Variants in DOCK9 observed in about 807,000 individuals in gnomAD.
DOCK9 encodes the protein dedicator of cytokinesis 9.
DOCK9 carries 89 observed loss-of-function variants against 263.3 expected under a neutral mutation model. The observed-to-expected ratio is 0.34, with a 90% CI of 0.28 to 0.40. DOCK9 has a LOEUF of 0.40. Ranked by LOEUF, DOCK9 falls within the 10% of genes least tolerant of loss-of-function variation. The pLI is 1.00. For synonymous variants in DOCK9, 976 were observed against 973.1 expected, an observed-to-expected ratio of 1.00 and a Z score of -0.06; for missense variants, 2,140 against 2,603.4, an observed-to-expected ratio of 0.82 and a Z score of 3.87.
chr13:98,882,145 G>C, intron 23 of DOCK9, 138 bp from the exon 24 acceptor site: 1 of 718,948 alleles, frequency 1.4e-6, no homozygotes, highest in East Asian at 2.7e-5. Context: ...AATGTCCCCA[G>C]AGGCGTCTGT....
upstream of DOCK9, among the ~76,000 whole-genome samples, chr13:98,981,496 C>T (rs1463379120): frequency 6.6e-6 from 1 of 152,230 alleles, no homozygotes; most frequent in Non-Finnish European, 1.5e-5. Context: ...CTACTCCCAT[C>T]TCAGAGCAAT....
At chr13:98,936,258 A>G (rs1396519075) in intron 2 of DOCK9, among the ~76,000 whole-genome samples, 1 of 152,038 alleles carries the variant, frequency 6.6e-6, no homozygotes, top group Admixed American at 6.6e-5. Context: ...TCCTGTACCC[A>G]CATGCCCTTC....
chr13:98,968,877 C>T (rs1182838591), intron 1 of DOCK9, among the ~76,000 whole-genome samples: 1 of 152,156 alleles, frequency 6.6e-6, no homozygotes, highest in Non-Finnish European at 1.5e-5. Context: ...CCAATAGGCC[C>T]CTCCTTTCTG....
intron 1 of DOCK9, among the ~76,000 whole-genome samples, chr13:99,083,592 T>C (rs1226506377): frequency 1.3e-5 from 2 of 151,290 alleles, no homozygotes; most frequent in African/African-American, 4.8e-5. Flanking sequence ...GATGATGAAA[T>C]ATGAAGGTTC....
intron 27 of DOCK9, among the ~76,000 whole-genome samples, chr13:98,877,284 T>TAC (rs1171885903): frequency 1.3e-5 from 2 of 152,222 alleles, no homozygotes; most frequent in African/African-American, 4.8e-5. Flanking sequence ...TTCAGGTCAT[T>TAC]ACCACCCTTA....
At chr13:99,004,733 A>G (rs1218224839) in intron 1 of DOCK9, among the ~76,000 whole-genome samples, 2 of 152,054 alleles carry the variant, frequency 1.3e-5, no homozygotes, top group Non-Finnish European at 2.9e-5. Flanking sequence ...GAAAAATAGT[A>G]AAGTACACCT....
intron 9 of DOCK9, among the ~76,000 whole-genome samples, chr13:98,913,827 T>C (rs1004967093): frequency 1.3e-5 from 2 of 152,228 alleles, no homozygotes; most frequent in African/African-American, 4.8e-5. Context: ...TCAGTAACTT[T>C]TAAATTTCTC....
rs1335961037 is a variant in DOCK9 at position 98,901,876 on chromosome 13, G to C, written c.1405C>G (p.His469Asp). ...KQGIFSVTCPHPDIFLVARIE... is the reference protein window; with the variant it reads ...KQGIFSVTCPDPDIFLVARIE... Reference sequence around the variant, plus strand: ...CTGGCCACAAGAAATATATCTGGATGAGGACAAGTGACTGAAAATATTCCC... The same window carrying C: ...CTGGCCACAAGAAATATATCTGGATCAGGACAAGTGACTGAAAATATTCCC... The change falls in exon 13 of 53, where the codon CAT becomes GAT. Residue 469 changes from histidine (H) to aspartate (D), a missense_variant. Around this residue, in one of 2 missense-constraint regions of DOCK9, gnomAD observed 1,521 missense variants for 1,741.7 expected, o/e 0.87. Coordinates refer to ENST00000682017, the MANE Select transcript of DOCK9 (RefSeq NM_001366683.2). 6.2e-7 allele frequency: 1 copy of C among 1,612,560 alleles called. No individual in the cohort carries two copies. The highest frequency in any genetic ancestry group is 1.7e-5 in the Admixed American group (1 of 59,866).
Position 98,860,505 on chromosome 13 carries a change from G to A in DOCK9, c.3597C>T (p.Ser1199=), listed in dbSNP as rs1594754269. ...VNAGMTVKDE[S]LALPAVNPLV... ...GCGGATTCACAGCTGGTAGAGCCAGGGATTCATCCTTCACAGTCTGTCAAG... is the reference window on the plus strand; with the variant it reads ...GCGGATTCACAGCTGGTAGAGCCAGAGATTCATCCTTCACAGTCTGTCAAG... Residue 1199 remains serine, a synonymous_variant, in exon 33 of 53, where the codon TCC becomes TCT. Coordinates refer to ENST00000682017, the MANE Select transcript of DOCK9 (RefSeq NM_001366683.2). The A allele has an allele frequency of 2.5e-6, 4 of 1,572,106 alleles. No individual in the cohort carries two copies. Among genetic ancestry groups the A allele is most frequent in the Non-Finnish European group, 2.6e-6 (3 of 1,157,326 alleles).
At chr13:99,050,251 G>A (rs2040622687) in intron 1 of DOCK9, among the ~76,000 whole-genome samples, 6 of 152,004 alleles carry the variant, frequency 3.9e-5, no homozygotes, top group Admixed American at 3.9e-4. Flanking sequence ...AGTACCTAGA[G>A]TTCATTCCAT....
intron 27 of DOCK9, among the ~76,000 whole-genome samples, chr13:98,869,690 T>G (rs1209068027): frequency 2.0e-5 from 3 of 152,234 alleles, no homozygotes; most frequent in African/African-American, 7.2e-5. Context: ...TTTTAGTAAC[T>G]GAAGAGTAAT....
chr13:98,863,475 C>A lies in DOCK9; in HGVS notation c.3360G>T (p.Glu1120Asp), dbSNP rs1465683259. The A allele has an allele frequency of 6.2e-7, 1 of 1,613,974 alleles. No individual in the cohort carries two copies. The highest frequency in any genetic ancestry group is 1.3e-5 in the African/African-American group (1 of 75,032). Reference sequence around the variant, plus strand: ...GGAACTCCTGGAGGGCTGTCCCCACCTCCCTCAGTAACAGTCCCACCAAGA... The same window carrying A: ...GGAACTCCTGGAGGGCTGTCCCCACATCCCTCAGTAACAGTCCCACCAAGA... ...NHFLVGLLLR[E>D]VGTALQEFRE... Residue 1120 changes from glutamate (E) to aspartate (D), a missense_variant, in exon 31 of 53, where the codon GAG (glutamate) becomes GAT (aspartate). Glu to Asp is a conservative substitution (Grantham distance 45). Transcript: ENST00000682017.
rs1401631240 is a variant in DOCK9 at position 98,904,628 on chromosome 13, T to C, written c.1035+4A>G. The C allele has an allele frequency of 1.3e-6, 2 of 1,551,594 alleles. No homozygotes were observed. Among genetic ancestry groups the C allele is most frequent in the Non-Finnish European group, 1.7e-6 (2 of 1,145,658 alleles). On this transcript the variant is annotated splice_donor_region_variant and intron_variant, in intron 10 of 52. Transcript: ENST00000682017. Reference sequence around the variant, plus strand: ...TAAATATTAAACATTTAGATAGTTCTTACCTGGGCATCTGGGTCCAAATAA... The same window carrying C: ...TAAATATTAAACATTTAGATAGTTCCTACCTGGGCATCTGGGTCCAAATAA...
At chr13:98,910,660 G>C (rs1313307535) in intron 9 of DOCK9, among the ~76,000 whole-genome samples, 1 of 152,120 alleles carries the variant, frequency 6.6e-6, no homozygotes, top group Non-Finnish European at 1.5e-5. Context: ...GAGGTTAGAG[G>C]AGCTGATTAG....
rs2057944843 is a variant in DOCK9 at position 98,955,463 on chromosome 13, A to G, written c.215T>C (p.Met72Thr). The change falls in exon 2 of 53, where the codon ATG (methionine) becomes ACG (threonine). Residue 72 changes from methionine (M) to threonine (T), a missense_variant. Met to Thr is a moderately conservative substitution (Grantham distance 81). Coordinates refer to ENST00000682017, the MANE Select transcript of DOCK9 (RefSeq NM_001366683.2). ...AAAGTCATCGTAAGGGAAGAGCAGCATCTCCCGTAAACAGTCGTTCAGGAT... is the reference window on the plus strand; with the variant it reads ...AAAGTCATCGTAAGGGAAGAGCAGCGTCTCCCGTAAACAGTCGTTCAGGAT... ...TQILNDCLREMLLFPYDDFQT... is the reference protein window; with the variant it reads ...TQILNDCLRETLLFPYDDFQT... The G allele has an allele frequency of 6.3e-7, 1 of 1,594,532 alleles. No homozygotes were observed. The highest frequency in any genetic ancestry group is 1.3e-5 in the African/African-American group (1 of 74,802).
chr13:98,808,837 T>C (rs1374308633), intron 47 of DOCK9, among the ~76,000 whole-genome samples: 7 of 152,302 alleles, frequency 4.6e-5, no homozygotes, highest in Non-Finnish European at 1.0e-4. Context: ...CCCTTTCCTA[T>C]AGGGTTTCTG....
chr13:98,943,556 C>CTG (rs35775237), intron 2 of DOCK9, among the ~76,000 whole-genome samples: 30,613 of 152,034 alleles, frequency 0.2, 3,604 homozygotes, highest in African/African-American at 0.33. Context: ...TGCAAATTTA[C>CTG]TGTCTACTTT....
chr13:98,807,568 C>A, intron 48 of DOCK9, 93 bp downstream of exon 48: 1 of 1,178,098 alleles, frequency 8.5e-7, no homozygotes, highest in Non-Finnish European at 1.1e-6. Flanking sequence ...TAATATTTTT[C>A]TTGTGTTTTT....
chr13:98,855,917 T>C lies in DOCK9; in HGVS notation c.3812A>G (p.Lys1271Arg), dbSNP rs757241837. 5.0e-6 allele frequency: 8 copies of C among 1,613,846 alleles called. No individual in the cohort carries two copies. In the East Asian group the frequency reaches 1.8e-4, roughly 36 times the overall value. Residue 1271 changes from lysine (K) to arginine (R), a missense_variant, in exon 34 of 53, where the codon AAG becomes AGG. Lys to Arg is a conservative substitution (Grantham distance 26). Coordinates refer to ENST00000682017, the MANE Select transcript of DOCK9 (RefSeq NM_001366683.2). ...GNSLPERNSE[K>R]SNSLDKHQQS... Reference sequence around the variant, plus strand: ...AATTACCTTATCCAGGGAATTGCTCTTCTCACTATTCCTTTCTGGAAGGCT... The same window carrying C: ...AATTACCTTATCCAGGGAATTGCTCCTCTCACTATTCCTTTCTGGAAGGCT...
Sources: gnomAD v4.1 joint callset for allele counts (sites outside exome capture counted in the v4.1 genomes callset) on GRCh38, gnomAD v4.1.1 for gene constraint, gnomAD v4.1.1 regional missense constraint, MANE v1.5 for transcripts, NCBI Gene and HGNC (gene_info 2026-07-23, HGNC 2026-07-21) for gene names.